Variants in TBXA2R observed in about 807,000 individuals in gnomAD.
TBXA2R encodes thromboxane A2 receptor, also known as prostanoid TP receptor.
Under a neutral mutation model 15.6 loss-of-function variants are expected in TBXA2R, and 15 were observed. The observed-to-expected ratio is 0.96, with a 90% confidence interval of 0.64 to 1.48. TBXA2R has a LOEUF of 1.48. TBXA2R is among the 40% of genes most tolerant of loss of function. TBXA2R has a pLI of 0.00. For synonymous variants in TBXA2R, 280 were observed against 241.2 expected (o/e 1.16, Z -1.49); for missense variants, 506 against 491.4 (o/e 1.03, Z -0.28).
Position 3,600,142 on chromosome 19 carries a change from G to A in TBXA2R, c.493C>T (p.Leu165=), listed in dbSNP as rs2032693788. The change falls in exon 2 of 3, where the codon CTG becomes TTG. Residue 165 remains leucine, a synonymous_variant. Transcript: ENST00000375190. The stretch of plus-strand genomic sequence containing the variant: ...CGACCCACGCCCAGCAGGGGCAGCA[G>A]GCCCAGCGCCAGCGCGGCCGCCCAC... ...LVWAAALALG[L]LPLLGVGRYT... The A allele has an allele frequency of 6.2e-7, 1 of 1,609,462 alleles. No homozygotes were observed. The highest frequency in any genetic ancestry group is 8.5e-7 in the Non-Finnish European group (1 of 1,178,566).
In TBXA2R at chr19:3,598,914, C is replaced by T. The variant is rs139554535; in HGVS notation, c.786+935G>A. Among the ~76,000 whole-genome samples, 851 of 152,152 alleles carry T rather than the reference C, an allele frequency of 5.6e-3. 9 individuals carry two copies. Among genetic ancestry groups the T allele is most frequent in the African/African-American group, 0.019 (776 of 41,502 alleles). On this transcript the variant is annotated intron_variant, in intron 2 of 2. Coordinates refer to ENST00000375190, the MANE Select transcript of TBXA2R (RefSeq NM_001060.6). ...CCATCTCTTGACCTCATGATCTGCC[C>T]GCCTCTGCCTCACAAAGTGCTGGGA...
Position 3,600,013 on chromosome 19 carries a change from C to A in TBXA2R, c.622G>T (p.Val208Phe). ...GTGTTCAGCAGGAAGGACAGCCCGA[C>A]CGAGAGGCCGCCCAGCATGGAGAAG... ...LLFSMLGGLS[V>F]GLSFLLNTVS... is the part of the protein sequence containing the mutation. The change falls in exon 2 of 3, where the codon GTC becomes TTC. Residue 208 changes from valine to phenylalanine, a missense_variant. Val to Phe is a conservative substitution (Grantham distance 50, BLOSUM62 -1). Transcript: ENST00000375190. 3.1e-6 allele frequency: 5 copies of A among 1,611,722 alleles called. No individual in the cohort carries two copies. Among genetic ancestry groups the A allele is most frequent in the Non-Finnish European group, 4.2e-6 (5 of 1,179,286 alleles).
chr19:3,600,010 C>T lies in TBXA2R; in HGVS notation c.625G>A (p.Gly209Arg). 1.2e-6 allele frequency: 2 copies of T among 1,611,210 alleles called. No individual in the cohort carries two copies. Among genetic ancestry groups the T allele is most frequent in the Non-Finnish European group, 1.7e-6 (2 of 1,179,092 alleles). ...LFSMLGGLSV[G>R]LSFLLNTVSV... ...ACCGTGTTCAGCAGGAAGGACAGCC[C>T]GACCGAGAGGCCGCCCAGCATGGAG... The change falls in exon 2 of 3, where the codon GGG becomes AGG. Residue 209 changes from glycine to arginine, a missense_variant. Gly to Arg is a moderately radical substitution (Grantham distance 125). Transcript: ENST00000375190.
chr19:3,601,742 C>T (rs1360547076), intron 1 of TBXA2R, among the ~76,000 whole-genome samples: 2 of 151,968 alleles, frequency 1.3e-5, no homozygotes, highest in Non-Finnish European at 2.9e-5. Context: ...GCCTAGCCAA[C>T]ATGGTGAAAC....
At chr19:3,605,389 A>C (rs1409752217) in intron 1 of TBXA2R, among the ~76,000 whole-genome samples, 1 of 152,212 alleles carries the variant, frequency 6.6e-6, no homozygotes, top group Non-Finnish European at 1.5e-5. Context: ...CAGCAGACAC[A>C]CAGGCAGAAA....
Position 3,594,724 on chromosome 19 carries a change from G to A in TBXA2R, c.*964C>T. The A allele has an allele frequency of 1.1e-6, 1 of 918,966 alleles. No homozygotes were observed. The highest frequency in any genetic ancestry group is 1.6e-6 in the Non-Finnish European group (1 of 622,770). 56.9% of individuals were successfully genotyped at this position (918,966 alleles called of 1,614,324 possible). A position where few individuals can be genotyped will look rare whatever the true frequency, so the allele number is the denominator to read the frequency against. On this transcript the variant is annotated 3_prime_UTR_variant, in exon 3 of 3. Transcript: ENST00000375190. Reference sequence around the variant, plus strand: ...CCCAGCCCTGCCCTCGTCTGCTCCGGGTGAGGCCCAATGCACAAACTCCAG... The same window carrying A: ...CCCAGCCCTGCCCTCGTCTGCTCCGAGTGAGGCCCAATGCACAAACTCCAG...
chr19:3,595,923 G>A lies in TBXA2R; in HGVS notation c.797C>T (p.Ala266Val). The part of the protein sequence containing the change: ...VCWLPLLVFI[A>V]QTVLRNPPAM... ...AGGCGGGTTTCGCAGCACTGTCTGGGCGATGAAGACCTGCAAAGGGGAGAG... is the reference window on the plus strand; with the variant it reads ...AGGCGGGTTTCGCAGCACTGTCTGGACGATGAAGACCTGCAAAGGGGAGAG... Residue 266 changes from alanine to valine, a missense_variant, in exon 3 of 3, where the codon GCC (alanine) becomes GTC (valine). Ala to Val is a moderately conservative substitution (Grantham distance 64). Coordinates refer to ENST00000375190, the MANE Select transcript of TBXA2R (RefSeq NM_001060.6). 2 of 1,594,522 alleles carry A rather than the reference G, an allele frequency of 1.3e-6. No individual in the cohort carries two copies. The highest frequency in any genetic ancestry group is 2.3e-5 in the East Asian group (1 of 43,992).
Position 3,599,880 on chromosome 19 carries a change from A to C in TBXA2R, c.755T>G (p.Val252Gly). 6.5e-7 allele frequency: 1 copy of C among 1,549,188 alleles called. No individual in the cohort carries two copies. The highest frequency in any genetic ancestry group is 8.7e-7 in the Non-Finnish European group (1 of 1,146,986). ...GGGCAGCCAACACACGCTGGCCACC[A>C]CCATGATCCCCAGGAGCTGAGCCAT... ...EMMAQLLGIM[V>G]VASVCWLPLL... The change falls in exon 2 of 3, where the codon GTG becomes GGG. Residue 252 changes from valine to glycine, a missense_variant. Transcript: ENST00000375190.
Position 3,594,697 on chromosome 19 carries a change from T to C in TBXA2R, c.*991A>G. On this transcript the variant is annotated 3_prime_UTR_variant, in exon 3 of 3. Transcript: ENST00000375190. ...GAATCCTCTATGTCCCTCCCCATCC[T>C]TCCCAGCCCTGCCCTCGTCTGCTCC... is the stretch of plus-strand genomic sequence containing the variant. 1.4e-6 allele frequency: 1 copy of C among 695,706 alleles called. No individual in the cohort carries two copies. The highest frequency in any genetic ancestry group is 2.0e-5 in the South Asian group (1 of 50,858). 43.1% of individuals were successfully genotyped at this position (695,706 alleles called of 1,614,324 possible).
At chr19:3,604,573 C>T (rs1299058081) in intron 1 of TBXA2R, among the ~76,000 whole-genome samples, 1 of 152,152 alleles carries the variant, frequency 6.6e-6, no homozygotes, top group Admixed American at 6.5e-5. Flanking sequence ...GCCCCGCCTG[C>T]CTGTCACGGC....
intron 2 of TBXA2R, among the ~76,000 whole-genome samples, chr19:3,599,324 TTTTTATTTTTTA>T (rs1402005388): frequency 2.0e-5 from 2 of 102,308 alleles, no homozygotes. Context: ...CTGGCTAATT[TTTTTATTTTTTA>T]TTTTTTTTTT....
At chr19:3,605,544 C>T (rs1031678913) in intron 1 of TBXA2R, among the ~76,000 whole-genome samples, 2 of 149,652 alleles carry the variant, frequency 1.3e-5, no homozygotes, top group African/African-American at 5.0e-5. Context: ...CAGACAGATG[C>T]ACAGACATGC....
Position 3,595,402 on chromosome 19 carries a change from C to T in TBXA2R, c.*286G>A. 7.2e-7 allele frequency: 1 copy of T among 1,391,038 alleles called. No homozygotes were observed. Among genetic ancestry groups the T allele is most frequent in the Non-Finnish European group, 9.3e-7 (1 of 1,078,066 alleles). 86.2% of individuals were successfully genotyped at this position (1,391,038 alleles called of 1,614,324 possible). On this transcript the variant is annotated 3_prime_UTR_variant, in exon 3 of 3. Transcript: ENST00000375190. ...TAAAAAAAAAAATAGCAATGCAAGA[C>T]CCTCTTCCAATGTCTGCATGCCCTT... is the stretch of plus-strand genomic sequence containing the variant.
At chr19:3,605,824 CGCAG>C (rs746122933) in intron 1 of TBXA2R, among the ~76,000 whole-genome samples, 20 of 28,542 alleles carry the variant, frequency 7.0e-4, no homozygotes, top group East Asian at 2.1e-3. Context: ...CACAGACACA[CGCAG>C]ATAGACACAC....
intron 2 of TBXA2R, among the ~76,000 whole-genome samples, chr19:3,596,253 C>T (rs967943607): frequency 6.6e-6 from 1 of 152,132 alleles, no homozygotes; most frequent in Non-Finnish European, 1.5e-5. Flanking sequence ...TGGTCTCGAA[C>T]TCCTGACCTC....
rs1171333045 is a variant in TBXA2R, at chr19:3,600,535, AG to A, written c.99del (p.Phe34SerfsTer13). ...RLIASPWFAA[S>X]FCVVGLASNL... Reference sequence around the variant, plus strand: ...TTGGAGGCCAGGCCCACCACGCAGAAGGAGGCGGCGAACCAGGGCGAGGCGA... The same window carrying A: ...TTGGAGGCCAGGCCCACCACGCAGAAGAGGCGGCGAACCAGGGCGAGGCGA... On this transcript the variant is annotated frameshift_variant, in exon 2 of 3. Transcript: ENST00000375190. LOFTEE classifies it high-confidence loss of function. 1 of 1,611,908 alleles carries A rather than the reference AG, an allele frequency of 6.2e-7. No individual in the cohort carries two copies. Among genetic ancestry groups the A allele is most frequent in the African/African-American group, 1.3e-5 (1 of 74,864 alleles).
chr19:3,600,666 C>T lies in TBXA2R; in HGVS notation c.-32G>A. 6.2e-7 allele frequency: 1 copy of T among 1,606,914 alleles called. No homozygotes were observed. Among genetic ancestry groups the T allele is most frequent in the East Asian group, 2.2e-5 (1 of 44,602 alleles). On this transcript the variant is annotated 5_prime_UTR_variant, in exon 2 of 3. Transcript: ENST00000375190. ...GGAGCCCTGAGGGATCAGTCACCAC[C>T]CCATCAGGCCGATGCTGCAGACAGG...
intron 1 of TBXA2R, among the ~76,000 whole-genome samples, chr19:3,605,204 G>A (rs562464883): frequency 9.9e-5 from 15 of 152,216 alleles, no homozygotes; most frequent in Admixed American, 2.0e-4. Context: ...GAGCATGTAC[G>A]GAGCTCCGTC....
chr19:3,603,945 G>A (rs1157133434), intron 1 of TBXA2R, among the ~76,000 whole-genome samples: 1 of 152,204 alleles, frequency 6.6e-6, no homozygotes, highest in Non-Finnish European at 1.5e-5. Context: ...GAGCAGCACT[G>A]CGGCTCTTGG....
Sources: allele counts gnomAD v4.1 joint callset (sites outside exome capture counted in the v4.1 genomes callset), GRCh38; gene constraint gnomAD v4.1.1; transcripts MANE v1.5; gene names NCBI Gene and HGNC (gene_info 2026-07-23, HGNC 2026-07-21).